The following RAB6B variants were observed in gnomAD, a reference collection of about 807,000 sequenced individuals.
RAB6B encodes the protein RAB6B, member RAS oncogene family, also known as ras-related protein Rab-6B.
RAB6B carries 7 observed loss-of-function variants against 31.2 expected under a neutral mutation model. The observed-to-expected ratio is 0.22, with a 90% CI of 0.13 to 0.42. RAB6B has a LOEUF of 0.42. Among genes scored for constraint, RAB6B ranks in the 10% least tolerant of loss-of-function variants. The pLI, the probability that RAB6B is intolerant of heterozygous loss-of-function variation, is 1.00. For missense variants in RAB6B, 149 were observed against 280.6 expected, an observed-to-expected ratio of 0.53 and a Z score of 3.35; for synonymous variants, 105 against 104.9, an observed-to-expected ratio of 1.00 and a Z score of -0.01.
chr3:133,877,829 C>T (rs1936417623), intron 1 of RAB6B, among the ~76,000 whole-genome samples: 1 of 148,910 alleles, frequency 6.7e-6, no homozygotes, highest in Non-Finnish European at 1.5e-5. Flanking sequence ...AGTATAATAA[C>T]ATATAGTATA....
At chr3:133,888,020 G>T (rs1349119875) in intron 1 of RAB6B, among the ~76,000 whole-genome samples, 1 of 152,158 alleles carries the variant, frequency 6.6e-6, no homozygotes, top group African/African-American at 2.4e-5. Context: ...GGCCCCGCAG[G>T]TTCCTCTTTA....
chr3:133,895,815 A>C lies in RAB6B; in HGVS notation c.-349T>G, dbSNP rs972464142. 8 of 273,058 alleles carry C rather than the reference A, an allele frequency of 2.9e-5. No individual in the cohort carries two copies. Among genetic ancestry groups the C allele is most frequent in the Non-Finnish European group, 5.4e-5 (8 of 146,986 alleles). 16.9% of individuals were successfully genotyped at this position (273,058 alleles called of 1,614,324 possible). ...GCAGGGACGGCGCGCGGGGCGGAGG[A>C]GCGCTCTCCAGAGCCGCGCCAGTCG... is the stretch of plus-strand genomic sequence containing the variant. On this transcript the variant is annotated 5_prime_UTR_variant, in exon 1 of 8. Coordinates refer to ENST00000285208, the MANE Select transcript of RAB6B (RefSeq NM_016577.4).
chr3:133,870,538 G>T (rs1229446991), intron 1 of RAB6B, among the ~76,000 whole-genome samples: 1 of 152,144 alleles, frequency 6.6e-6, no homozygotes, highest in Non-Finnish European at 1.5e-5. Flanking sequence ...CCAGTGACTG[G>T]TCAGATTCAG....
Position 133,895,540 on chromosome 3 carries a change from G to C in RAB6B, c.-74C>G, listed in dbSNP as rs1407030280. On this transcript the variant is annotated 5_prime_UTR_variant, in exon 1 of 8. Coordinates refer to ENST00000285208, the MANE Select transcript of RAB6B (RefSeq NM_016577.4). The stretch of plus-strand genomic sequence containing the variant: ...AGCAGGGAGGGGAGAGTAGGAGGGC[G>C]AGGGGAGGCGGCCGGCGGTGCGGGA... The C allele has an allele frequency of 1.3e-6, 2 of 1,493,784 alleles. No individual in the cohort carries two copies. The highest frequency in any genetic ancestry group is 4.7e-5 in the East Asian group (2 of 42,884). The allele number at this position is 1,493,784 out of a possible 1,614,324, so 92.5% of individuals were successfully genotyped here. A position where few individuals can be genotyped will look rare whatever the true frequency, so the allele number is the denominator to read the frequency against.
chr3:133,886,681 T>G (rs1374016060), intron 1 of RAB6B, among the ~76,000 whole-genome samples: 2 of 152,188 alleles, frequency 1.3e-5, no homozygotes, highest in African/African-American at 4.8e-5. Flanking sequence ...TCCTGCCAGA[T>G]CACGAGGATG....
rs193131269 is a variant in RAB6B, at chr3:133,872,322, C to T, written c.71-7680G>A. On this transcript the variant is annotated intron_variant, in intron 1 of 7. Transcript: ENST00000285208. ...GCTAGGAAGGACCTGCAGAGGGACTCGGCCCTTGCCATGCAGCTGGGAAGG... is the reference window on the plus strand; with the variant it reads ...GCTAGGAAGGACCTGCAGAGGGACTTGGCCCTTGCCATGCAGCTGGGAAGG... 3.2e-3 allele frequency among the ~76,000 whole-genome samples: 493 copies of T among 152,370 alleles called. 2 individuals are homozygous for T. Among genetic ancestry groups the T allele is most frequent in the African/African-American group, 0.011 (457 of 41,588 alleles).
At chr3:133,889,400 A>T (rs1392140710) in intron 1 of RAB6B, among the ~76,000 whole-genome samples, 45 of 18,576 alleles carry the variant, frequency 2.4e-3, no homozygotes, top group Middle Eastern at 0.019. Context: ...ATATATATAT[A>T]TATATATATA....
intron 2 of RAB6B, among the ~76,000 whole-genome samples, chr3:133,859,268 C>G (rs547006793): frequency 1.3e-5 from 2 of 152,364 alleles, no homozygotes; most frequent in African/African-American, 2.4e-5. Flanking sequence ...TGTGAACCCC[C>G]ACCCTCAGCT....
intron 1 of RAB6B, among the ~76,000 whole-genome samples, chr3:133,867,634 A>G (rs966755532): frequency 1.3e-5 from 2 of 152,166 alleles, no homozygotes; most frequent in Non-Finnish European, 2.9e-5. Context: ...GCTCCAGGGA[A>G]CAGCCCGTCC....
At chr3:133,861,442 G>A (rs1337466899) in intron 2 of RAB6B, among the ~76,000 whole-genome samples, 2 of 152,138 alleles carry the variant, frequency 1.3e-5, no homozygotes, top group Non-Finnish European at 1.5e-5. Context: ...GGCATCTCAC[G>A]GGGCCTACCA....
intron 1 of RAB6B, among the ~76,000 whole-genome samples, chr3:133,877,232 G>T (rs1936409208): frequency 1.3e-5 from 2 of 152,218 alleles, no homozygotes; most frequent in Admixed American, 6.5e-5. Flanking sequence ...CCAGAGAGAG[G>T]GAGATGCAGA....
Position 133,895,572 on chromosome 3 carries a change from G to C in RAB6B, c.-106C>G. 8.6e-7 allele frequency: 1 copy of C among 1,161,826 alleles called. No individual in the cohort carries two copies. Among genetic ancestry groups the C allele is most frequent in the South Asian group, 1.3e-5 (1 of 74,918 alleles). 72.0% of individuals were successfully genotyped at this position (1,161,826 alleles called of 1,614,324 possible). A position where few individuals can be genotyped will look rare whatever the true frequency, so the allele number is the denominator to read the frequency against. Reference sequence around the variant, plus strand: ...GGCGGCCGGCGGTGCGGGAGCCGGAGGGGGAAGGGCTGGCTGCGCGCGTCC... The same window carrying C: ...GGCGGCCGGCGGTGCGGGAGCCGGACGGGGAAGGGCTGGCTGCGCGCGTCC... On this transcript the variant is annotated 5_prime_UTR_variant, in exon 1 of 8. Coordinates refer to ENST00000285208, the MANE Select transcript of RAB6B (RefSeq NM_016577.4).
At chr3:133,881,767 G>T (rs369550220) in intron 1 of RAB6B, among the ~76,000 whole-genome samples, 1 of 152,164 alleles carries the variant, frequency 6.6e-6, no homozygotes, top group Non-Finnish European at 1.5e-5. Context: ...GTTGGACCAG[G>T]CTGGCTACTT....
intron 1 of RAB6B, among the ~76,000 whole-genome samples, chr3:133,886,830 T>C (rs115009119): frequency 0.022 from 3,326 of 152,346 alleles, 50 homozygotes; most frequent in Middle Eastern, 0.034. Context: ...TTTTATCATG[T>C]GAGCCTTAAT....
chr3:133,854,305 T>C (rs1017017371), intron 2 of RAB6B, among the ~76,000 whole-genome samples: 2 of 152,262 alleles, frequency 1.3e-5, no homozygotes, highest in Non-Finnish European at 2.9e-5. Flanking sequence ...ATTCTTTCTC[T>C]GAACTTCATT....
Position 133,827,968 on chromosome 3 carries a change from T to A in RAB6B, c.*820A>T. ...GTCTATAAACCACGCACCACGCAGC[T>A]GCAATTGCCAACAGCACCTCGTCCT... is the stretch of plus-strand genomic sequence containing the variant. On this transcript the variant is annotated 3_prime_UTR_variant, in exon 8 of 8. Coordinates refer to ENST00000285208, the MANE Select transcript of RAB6B (RefSeq NM_016577.4). The A allele has an allele frequency of 1.4e-6, 1 of 702,926 alleles. No homozygotes were observed. Among genetic ancestry groups the A allele is most frequent in the East Asian group, 2.7e-5 (1 of 37,284 alleles). 43.5% of individuals were successfully genotyped at this position (702,926 alleles called of 1,614,324 possible).
At chr3:133,866,719 C>G (rs1936241698) in intron 1 of RAB6B, among the ~76,000 whole-genome samples, 1 of 152,188 alleles carries the variant, frequency 6.6e-6, no homozygotes, top group Non-Finnish European at 1.5e-5. Context: ...GCCATGAGGC[C>G]CCAGGCACCT....
At chr3:133,842,648 G>C (rs760522426) in intron 2 of RAB6B, among the ~76,000 whole-genome samples, 1 of 152,082 alleles carries the variant, frequency 6.6e-6, no homozygotes, top group Non-Finnish European at 1.5e-5. Context: ...ACAAAAAACA[G>C]GTTATAAAAC....
At chr3:133,852,521 A>G (rs1051514100) in intron 2 of RAB6B, among the ~76,000 whole-genome samples, 1 of 145,266 alleles carries the variant, frequency 6.9e-6, no homozygotes, top group Non-Finnish European at 1.5e-5. Context: ...CCCAGGCTGG[A>G]GTGCAGTGGC....
Sources: allele counts gnomAD v4.1 joint callset (sites outside exome capture counted in the v4.1 genomes callset), GRCh38; gene constraint gnomAD v4.1.1; transcripts MANE v1.5; gene names NCBI Gene and HGNC (gene_info 2026-07-23, HGNC 2026-07-21).